PRELID2: variants seen among roughly 807,000 people sequenced by gnomAD.
PRELID2 encodes the protein PRELI domain containing 2, also known as PRELI domain-containing protein 2.
A neutral mutation model predicts 28.4 loss-of-function variants in PRELID2; 25 were observed. The ratio of observed to expected loss-of-function variants is 0.88; its 90% CI spans 0.64 to 1.23. The LOEUF is 1.23. Ranked by LOEUF, PRELID2 falls within the 50% of genes most tolerant of loss-of-function variation. The pLI is 0.00. For synonymous variants in PRELID2, 76 were observed against 71.6 expected (o/e 1.06, Z -0.31); for missense variants, 201 against 214.4 (o/e 0.94, Z 0.39).
intron 1 of PRELID2, among the ~76,000 whole-genome samples, chr5:145,544,717 T>C (rs114318631): frequency 0.011 from 1,668 of 152,264 alleles, 30 homozygotes; most frequent in African/African-American, 0.037. Context: ...TGTTGTACAC[T>C]AGAACTATAA....
At chr5:145,824,896 T>C (rs1304131211) in intron 1 of PRELID2, among the ~76,000 whole-genome samples, 4 of 152,066 alleles carry the variant, frequency 2.6e-5, no homozygotes, top group Admixed American at 2.6e-4. Flanking sequence ...TCTATTTATT[T>C]ATATATTCAT....
the PRELID2 span, among the ~76,000 whole-genome samples, chr5:145,312,145 A>G: frequency 6.6e-6 from 1 of 151,828 alleles, no homozygotes; most frequent in Non-Finnish European, 1.5e-5. Context: ...CAGGAATTTG[A>G]GACCAGCCTG....
chr5:145,809,451 T>G (rs1355810261), intron 4 of PRELID2, among the ~76,000 whole-genome samples: 3 of 152,180 alleles, frequency 2.0e-5, no homozygotes, highest in African/African-American at 7.2e-5. Context: ...AATGAGGCTA[T>G]AAGCACCTGG....
chr5:145,763,348 C>A (rs1396635165), intron 6 of PRELID2, among the ~76,000 whole-genome samples: 1 of 152,132 alleles, frequency 6.6e-6, no homozygotes, highest in Non-Finnish European at 1.5e-5. Context: ...TAGGAGTAAA[C>A]CATATTTAGA....
At chr5:145,668,238 A>G (rs1754635603) in intron 1 of PRELID2, among the ~76,000 whole-genome samples, 1 of 152,006 alleles carries the variant, frequency 6.6e-6, no homozygotes, top group Non-Finnish European at 1.5e-5. Context: ...CAGGGAGGCC[A>G]CAGCCAAAGA....
the PRELID2 span, among the ~76,000 whole-genome samples, chr5:145,240,067 G>A: frequency 0.091 from 13,861 of 151,982 alleles, 1,093 homozygotes; most frequent in East Asian, 0.36. Flanking sequence ...CTTTCTTGTT[G>A]ATAATAGGAT....
At chr5:145,298,876 C>T in the PRELID2 span, among the ~76,000 whole-genome samples, 3 of 152,082 alleles carry the variant, frequency 2.0e-5, no homozygotes, top group Non-Finnish European at 1.5e-5. Context: ...TTATTCCTTT[C>T]ATATATTTAC....
the PRELID2 span, among the ~76,000 whole-genome samples, chr5:145,253,078 A>C: frequency 2.0e-5 from 3 of 152,112 alleles, no homozygotes; most frequent in African/African-American, 7.2e-5. Flanking sequence ...TGTTGCACTA[A>C]ATTTCTTCTG....
At chr5:145,538,457 C>T (rs6580378) in intron 1 of PRELID2, among the ~76,000 whole-genome samples, 33,209 of 151,690 alleles carry the variant, frequency 0.22, 5,128 homozygotes, top group African/African-American at 0.45. Context: ...ATTGTAATTC[C>T]TAAGTCACAC....
chr5:145,248,546 G>C, the PRELID2 span, among the ~76,000 whole-genome samples: 1 of 151,908 alleles, frequency 6.6e-6, no homozygotes, highest in African/African-American at 2.4e-5. Flanking sequence ...TATAATCCCA[G>C]CACTTTGGGA....
the PRELID2 span, among the ~76,000 whole-genome samples, chr5:145,400,557 G>A: frequency 1.1e-4 from 16 of 152,042 alleles, no homozygotes; most frequent in African/African-American, 3.6e-4. Context: ...ACACGATGTC[G>A]AATGACTAAT....
chr5:145,232,985 G>A, the PRELID2 span, among the ~76,000 whole-genome samples: 1 of 130,760 alleles, frequency 7.6e-6, no homozygotes, highest in African/African-American at 3.3e-5. Flanking sequence ...ATATATATAC[G>A]TGTGTGTGTG....
At chr5:145,579,812 T>A (rs113602017) in intron 1 of PRELID2, among the ~76,000 whole-genome samples, 2 of 152,058 alleles carry the variant, frequency 1.3e-5, no homozygotes, top group Non-Finnish European at 2.9e-5. Context: ...AATGAACACA[T>A]ATTCACATTT....
intron 1 of PRELID2, among the ~76,000 whole-genome samples, chr5:145,596,524 C>T (rs948027672): frequency 7.9e-5 from 12 of 151,966 alleles, no homozygotes; most frequent in African/African-American, 2.7e-4. Flanking sequence ...AAACCAGGTT[C>T]TTGTTGTTGT....
chr5:145,551,770 T>A (rs558664597), intron 1 of PRELID2, among the ~76,000 whole-genome samples: 41 of 152,268 alleles, frequency 2.7e-4, no homozygotes, highest in African/African-American at 9.4e-4. Context: ...GGGCAGAGTT[T>A]AGCAAAATCA....
the PRELID2 span, among the ~76,000 whole-genome samples, chr5:145,248,127 T>C: frequency 2.0e-5 from 3 of 152,078 alleles, no homozygotes; most frequent in Non-Finnish European, 4.4e-5. Flanking sequence ...TAATGATACT[T>C]CAACAAAATC....
the PRELID2 span, among the ~76,000 whole-genome samples, chr5:145,327,541 T>C: frequency 6.6e-6 from 1 of 152,174 alleles, no homozygotes; most frequent in Non-Finnish European, 1.5e-5. Context: ...GGAAGCATAT[T>C]ACTGGATCTT....
At chr5:145,390,517 G>A in the PRELID2 span, among the ~76,000 whole-genome samples, 1 of 152,012 alleles carries the variant, frequency 6.6e-6, no homozygotes. Context: ...ACAGCATAAG[G>A]GTAACTGCCC....
chr5:145,415,541 T>A, the PRELID2 span, among the ~76,000 whole-genome samples: 1 of 150,976 alleles, frequency 6.6e-6, no homozygotes, highest in Non-Finnish European at 1.5e-5. Flanking sequence ...TTTGGTTTTT[T>A]GTCCTTGCGA....
Sources: allele counts gnomAD v4.1 joint callset (sites outside exome capture counted in the v4.1 genomes callset), GRCh38; gene constraint gnomAD v4.1.1; transcripts MANE v1.5; gene names NCBI Gene and HGNC (gene_info 2026-07-23, HGNC 2026-07-21).